PVT1: variants seen among roughly 807,000 people sequenced by gnomAD.
PVT1 encodes Pvt1 oncogene, also known as CXCR4/PVT1 fusion.
intron 3 of PVT1, among the ~76,000 whole-genome samples, chr8:127,893,352 C>T (rs1234708698): frequency 6.6e-6 from 1 of 152,160 alleles, no homozygotes; most frequent in Non-Finnish European, 1.5e-5. Context: ...TCTCGGCTCA[C>T]TGCAACCTCC....
rs569604824 is a variant in PVT1, at chr8:127,851,025, A to G, written n.373-39564A>G. On this transcript the variant is annotated intron_variant and non_coding_transcript_variant, in intron 2 of 10. Coordinates refer to ENST00000651587, the Ensembl canonical transcript of PVT1. ...CTGTCTCAAAAAAAAAAATTAAAAA[A>G]AAATAAAAAAAGATAAAATGTAGTT... Among the ~76,000 whole-genome samples the G allele has an allele frequency of 8.6e-3, 1,303 of 151,714 alleles. 15 individuals are homozygous for G. The highest frequency in any genetic ancestry group is 0.03 in the African/African-American group (1,233 of 41,076).
intron 4 of PVT1, chr8:127,999,340 G>A (rs768436589): frequency 6.6e-6 from 1 of 152,270 alleles, no homozygotes; most frequent in Admixed American, 6.5e-5. Context: ...ATAAATGTGT[G>A]TATATGAATC....
chr8:128,093,327 G>A (rs930673092), intron 5 of PVT1, among the ~76,000 whole-genome samples: 2 of 152,162 alleles, frequency 1.3e-5, no homozygotes, highest in African/African-American at 2.4e-5. Context: ...GGAGGCCGAG[G>A]TGGGCGGATC....
At chr8:128,037,565 G>A (rs1187771365) in intron 4 of PVT1, among the ~76,000 whole-genome samples, 3 of 152,174 alleles carry the variant, frequency 2.0e-5, no homozygotes, top group Non-Finnish European at 4.4e-5. Context: ...TTGGAGGGAG[G>A]ATCTCAATGC....
At chr8:127,877,027 A>T (rs1010617114) in intron 2 of PVT1, among the ~76,000 whole-genome samples, 3 of 152,202 alleles carry the variant, frequency 2.0e-5, no homozygotes, top group African/African-American at 7.2e-5. Flanking sequence ...AGGAGTTGGA[A>T]CAAAGGTGGT....
intron 2 of PVT1, among the ~76,000 whole-genome samples, chr8:127,856,486 C>A (rs1815161733): frequency 6.6e-6 from 1 of 151,960 alleles, no homozygotes; most frequent in South Asian, 2.1e-4. Context: ...GGATTACAGG[C>A]ACCTGCCACC....
At chr8:127,948,986 C>A (rs73353792) in intron 3 of PVT1, among the ~76,000 whole-genome samples, 1 of 152,174 alleles carries the variant, frequency 6.6e-6, no homozygotes, top group Non-Finnish European at 1.5e-5. Context: ...CAGAAATAGC[C>A]GACTTTCATC....
intron 4 of PVT1, among the ~76,000 whole-genome samples, chr8:128,022,110 G>C (rs1332439675): frequency 6.6e-6 from 1 of 152,162 alleles, no homozygotes; most frequent in Non-Finnish European, 1.5e-5. Context: ...TCAGATGCTG[G>C]GTGTCAGCTC....
chr8:127,896,794 C>G (rs1305876490), intron 3 of PVT1, among the ~76,000 whole-genome samples: 13 of 149,958 alleles, frequency 8.7e-5, no homozygotes, highest in Non-Finnish European at 1.3e-4. Flanking sequence ...CGCCCCCGAC[C>G]CACAGGCCCC....
intron 4 of PVT1, among the ~76,000 whole-genome samples, chr8:128,034,299 C>G (rs532096705): frequency 2.6e-5 from 4 of 152,230 alleles, no homozygotes; most frequent in African/African-American, 9.6e-5. Context: ...ATGCCCTTTT[C>G]TCTGCAAGGA....
intron 3 of PVT1, among the ~76,000 whole-genome samples, chr8:127,904,311 G>A (rs1264694561): frequency 1.7e-5 from 2 of 114,390 alleles, no homozygotes; most frequent in Non-Finnish European, 3.7e-5. Flanking sequence ...TGGGTACTAA[G>A]GATTTAAGGA....
At chr8:128,048,193 C>G (rs1433946873) in intron 4 of PVT1, among the ~76,000 whole-genome samples, 2 of 152,194 alleles carry the variant, frequency 1.3e-5, no homozygotes, top group Non-Finnish European at 2.9e-5. Context: ...TCCTAGCCTG[C>G]CCATTTGCAT....
chr8:127,930,680 G>A (rs1051063017), intron 3 of PVT1, among the ~76,000 whole-genome samples: 1 of 152,094 alleles, frequency 6.6e-6, no homozygotes, highest in Non-Finnish European at 1.5e-5. Context: ...TTCCTGGGGC[G>A]TCAAAGGTTT....
chr8:128,066,126 AT>A (rs1257223893), intron 4 of PVT1, among the ~76,000 whole-genome samples: 1 of 152,252 alleles, frequency 6.6e-6, no homozygotes, highest in African/African-American at 2.4e-5. Context: ...AGTTGAATGG[AT>A]GAATAGTAAA....
intron 5 of PVT1, among the ~76,000 whole-genome samples, chr8:128,082,453 A>G (rs953167472): frequency 2.6e-5 from 4 of 152,238 alleles, no homozygotes; most frequent in Non-Finnish European, 5.9e-5. Flanking sequence ...TCTAGCTGCA[A>G]TGTTCCCATC....
At chr8:127,858,449 A>G (rs73710042) in intron 2 of PVT1, among the ~76,000 whole-genome samples, 13 of 151,792 alleles carry the variant, frequency 8.6e-5, no homozygotes, top group African/African-American at 3.1e-4. Context: ...TAAATAAATA[A>G]AAGATGGTCT....
intron 5 of PVT1, among the ~76,000 whole-genome samples, chr8:128,082,425 G>T (rs1196715976): frequency 6.6e-6 from 1 of 152,212 alleles, no homozygotes; most frequent in Non-Finnish European, 1.5e-5. Context: ...TCAGTCATGT[G>T]ATCTTAACCT....
At chr8:127,969,768 A>G (rs1816742723) in intron 3 of PVT1, among the ~76,000 whole-genome samples, 1 of 152,168 alleles carries the variant, frequency 6.6e-6, no homozygotes, top group Non-Finnish European at 1.5e-5. Context: ...TAAAGATGGG[A>G]AAGTGAGACT....
chr8:128,002,093 C>T (rs981683800), intron 4 of PVT1, among the ~76,000 whole-genome samples: 8 of 152,190 alleles, frequency 5.3e-5, no homozygotes, highest in East Asian at 1.9e-4. Context: ...GATGCCAGAA[C>T]GTTATGTTTC....
Sources: allele counts gnomAD v4.1 joint callset (sites outside exome capture counted in the v4.1 genomes callset), GRCh38; gene constraint gnomAD v4.1.1; transcripts MANE v1.5; gene names NCBI Gene and HGNC (gene_info 2026-07-23, HGNC 2026-07-21).